Variants in TIAM2 observed in about 807,000 individuals in gnomAD.
TIAM2 encodes TIAM Rac1 associated GEF 2.
Under a neutral mutation model 152.9 loss-of-function variants are expected in TIAM2, and 80 were observed. That is an observed-to-expected ratio of 0.52 (90% CI 0.44 to 0.63). The LOEUF is 0.63. TIAM2 is among the 30% of genes least tolerant of loss of function. The pLI is 0.00. For synonymous variants in TIAM2, 804 were observed against 838.0 expected (o/e 0.96, Z 0.70); for missense variants, 1,965 against 2,120.1 (o/e 0.93, Z 1.44).
rs535513648 is a variant in TIAM2, at chr6:155,144,053, C to T, written c.1631-553C>T. ...TGATTGACAGTTCCCCTGCCTGCTCCTTTTCCCTTGCAGCAGGTGGATTAC... is the reference window on the plus strand; with the variant it reads ...TGATTGACAGTTCCCCTGCCTGCTCTTTTTCCCTTGCAGCAGGTGGATTAC... On this transcript the variant is annotated intron_variant, in intron 5 of 26. Transcript: ENST00000682666. Among the ~76,000 whole-genome samples, 5 of 152,310 alleles carry T rather than the reference C, an allele frequency of 3.3e-5. No homozygotes were observed. In the East Asian group the frequency reaches 9.6e-4, roughly 29 times the overall value.
At chr6:155,107,004 C>T (rs936160207) in intron 2 of TIAM2, among the ~76,000 whole-genome samples, 4 of 152,166 alleles carry the variant, frequency 2.6e-5, no homozygotes, top group Non-Finnish European at 1.5e-5. Flanking sequence ...TAGCTCTCAA[C>T]GGCTGAGCAT....
At chr6:155,104,014 CT>C (rs1219209993) in intron 2 of TIAM2, among the ~76,000 whole-genome samples, 2 of 142,544 alleles carry the variant, frequency 1.4e-5, no homozygotes, top group African/African-American at 5.5e-5. Flanking sequence ...ATTCATTCTT[CT>C]TCTGTATTTA....
chr6:155,182,417 G>T (rs1780925106), intron 13 of TIAM2, 99 bp downstream of exon 13: 1 of 1,066,364 alleles, frequency 9.4e-7, no homozygotes, highest in Non-Finnish European at 1.4e-6. Context: ...GTCAGAAAAA[G>T]GTTGCTCCTG....
At chr6:155,004,765 A>G (rs189097029) in intron 1 of TIAM2, 1 of 152,554 alleles carries the variant, frequency 6.6e-6, no homozygotes, top group Admixed American at 6.5e-5. Flanking sequence ...TAGCTGTAGG[A>G]CATTTACTTA....
intron 14 of TIAM2, among the ~76,000 whole-genome samples, chr6:155,201,004 T>G (rs949283656): frequency 6.6e-6 from 1 of 152,222 alleles, no homozygotes; most frequent in Non-Finnish European, 1.5e-5. Context: ...ACTATGAATC[T>G]ACTTTCTGTT....
chr6:155,166,712 AAT>A (rs1323061094), intron 9 of TIAM2, among the ~76,000 whole-genome samples: 1 of 152,210 alleles, frequency 6.6e-6, no homozygotes, highest in Non-Finnish European at 1.5e-5. Flanking sequence ...AAACATTTTG[AAT>A]ATGTGTATTT....
chr6:155,234,526 C>G (rs537163789), intron 15 of TIAM2, among the ~76,000 whole-genome samples: 4 of 152,354 alleles, frequency 2.6e-5, no homozygotes, highest in Admixed American at 2.0e-4. Context: ...ACTTAGCCTT[C>G]TGAGTAGCTG....
At chr6:155,042,037 T>A (rs1328744067) in intron 1 of TIAM2, among the ~76,000 whole-genome samples, 1 of 152,014 alleles carries the variant, frequency 6.6e-6, no homozygotes, top group South Asian at 2.1e-4. Flanking sequence ...TCTTTTTTTT[T>A]AATCTTTGAG....
At chr6:155,030,888 C>G (rs2114889707) in intron 1 of TIAM2, among the ~76,000 whole-genome samples, 1 of 152,240 alleles carries the variant, frequency 6.6e-6, no homozygotes, top group Non-Finnish European at 1.5e-5. Context: ...TCAACTGTCT[C>G]TCGTTAGAAG....
At position 155,214,973 on chromosome 6, in the gene TIAM2, C is replaced by T. The variant is rs993067247; in HGVS notation, c.3168+3666C>T. On this transcript the variant is annotated intron_variant, in intron 15 of 26. Transcript: ENST00000682666. The surrounding 1 kb of genome is among the most constrained non-coding windows in gnomAD (Gnocchi z 5.4). ...AAATTTTTTAGAAAATCAAATCCTC[C>T]TGAAACACTGATAGAGCAAGGCCAT... Among the ~76,000 whole-genome samples, 3 of 152,082 alleles carry T rather than the reference C, an allele frequency of 2.0e-5. No homozygotes were observed. Among genetic ancestry groups the T allele is most frequent in the Non-Finnish European group, 4.4e-5 (3 of 68,020 alleles).
At position 155,249,967 on chromosome 6, in the gene TIAM2, G is replaced by T. The variant is rs1301498020; in HGVS notation, c.3949G>T (p.Glu1317Ter). The change falls in exon 21 of 27, where the codon GAG becomes TAG. Residue 1317 changes from glutamate to a stop codon, truncating the protein, a stop_gained and splice_region_variant. Transcript: ENST00000682666. LOFTEE classifies it high-confidence loss of function. ...AGCTGAGCAGAGCGGAACAGAGAAG[G>T]AGGTCCGTGAGACATCTGCACCCTG... Reference protein sequence around the residue: ...LVAEQSGTEKEVTELSMGELL... With the variant: ...LVAEQSGTEK The T allele has an allele frequency of 6.2e-7, 1 of 1,611,366 alleles. No homozygotes were observed. Among genetic ancestry groups the T allele is most frequent in the Admixed American group, 1.7e-5 (1 of 59,556 alleles).
At chr6:155,115,299 G>A (rs561133483) in intron 2 of TIAM2, among the ~76,000 whole-genome samples, 19 of 151,892 alleles carry the variant, frequency 1.3e-4, no homozygotes, top group Non-Finnish European at 2.5e-4. Context: ...TGGGCTCAAG[G>A]GATCCTCCCA....
intron 15 of TIAM2, among the ~76,000 whole-genome samples, chr6:155,238,223 CT>C (rs965200366): frequency 6.6e-6 from 1 of 152,236 alleles, no homozygotes; most frequent in Non-Finnish European, 1.5e-5. Flanking sequence ...CAAGGGTCAG[CT>C]TTGCTCCAGT....
At chr6:155,228,998 C>T (rs1782352922) in intron 15 of TIAM2, among the ~76,000 whole-genome samples, 1 of 152,246 alleles carries the variant, frequency 6.6e-6, no homozygotes, top group Non-Finnish European at 1.5e-5. Context: ...TGCACATGCT[C>T]TCTGCCTTCT....
intron 15 of TIAM2, among the ~76,000 whole-genome samples, chr6:155,223,388 G>A (rs1376981244): frequency 1.3e-5 from 2 of 151,862 alleles, no homozygotes; most frequent in African/African-American, 4.8e-5. Flanking sequence ...AGCTATTAAT[G>A]CTTTATTTTT....
intron 4 of TIAM2, among the ~76,000 whole-genome samples, chr6:155,132,483 C>G (rs1209760367): frequency 6.6e-6 from 1 of 151,900 alleles, no homozygotes; most frequent in Non-Finnish European, 1.5e-5. Flanking sequence ...TTTTCAGGGC[C>G]TCTTCATATC....
chr6:155,250,927 G>A lies in TIAM2; in HGVS notation c.3966G>A (p.Ser1322=), dbSNP rs145496334. 166 of 1,613,996 alleles carry A rather than the reference G, an allele frequency of 1.0e-4. No homozygotes were observed. The highest frequency in any genetic ancestry group is 1.3e-4 in the Non-Finnish European group (157 of 1,180,028). ...TTACAATCTAGGTAACAGAACTTTCGATGGGAGAGCTTCTGATGCACTCTA... is the reference window on the plus strand; with the variant it reads ...TTACAATCTAGGTAACAGAACTTTCAATGGGAGAGCTTCTGATGCACTCTA... ...SGTEKEVTEL[S]MGELLMHSTV... is the part of the protein sequence containing the mutation. Residue 1322 remains serine (S), a synonymous_variant, in exon 22 of 27, where the codon TCG becomes TCA. Transcript: ENST00000682666.
At chr6:155,221,188 A>G (rs1562359030) in intron 15 of TIAM2, among the ~76,000 whole-genome samples, 4 of 151,910 alleles carry the variant, frequency 2.6e-5, no homozygotes, top group South Asian at 4.2e-4. Flanking sequence ...GAATCACAAA[A>G]TAAAGAAGTA....
At chr6:155,086,096 A>C (rs896681193) in intron 1 of TIAM2, among the ~76,000 whole-genome samples, 1 of 152,218 alleles carries the variant, frequency 6.6e-6, no homozygotes, top group Non-Finnish European at 1.5e-5. Flanking sequence ...GCTGGATTGC[A>C]GTCCAGCTCA....
Sources: gnomAD v4.1 joint callset for allele counts (sites outside exome capture counted in the v4.1 genomes callset) on GRCh38, gnomAD v4.1.1 for gene constraint, Gnocchi (gnomAD v3.1) non-coding constraint, MANE v1.5 for transcripts, NCBI Gene and HGNC (gene_info 2026-07-23, HGNC 2026-07-21) for gene names.